The following LYPD6 variants were observed in gnomAD, a reference collection of about 807,000 sequenced individuals.
LYPD6 encodes the protein LY6/PLAUR domain containing 6.
LYPD6 carries 15 observed loss-of-function variants against 22.7 expected under a neutral mutation model. The ratio of observed to expected loss-of-function variants is 0.66; its 90% CI spans 0.44 to 1.02. The LOEUF (loss-of-function observed/expected upper bound fraction) is 1.02. Among genes scored for constraint, LYPD6 ranks in the 50% least tolerant of loss-of-function variants. The pLI is 0.00. For synonymous variants in LYPD6, 72 were observed against 77.5 expected (o/e 0.93, Z 0.37); for missense variants, 189 against 208.4 (o/e 0.91, Z 0.57).
chr2:149,427,888 GGAAT>G (rs1219583278), intron 1 of LYPD6, among the ~76,000 whole-genome samples: 1 of 152,198 alleles, frequency 6.6e-6, no homozygotes, highest in Non-Finnish European at 1.5e-5. Flanking sequence ...TTGCCCTTCA[GGAAT>G]TGAAGTATTT....
intron 1 of LYPD6, among the ~76,000 whole-genome samples, chr2:149,366,723 G>C (rs1681676394): frequency 6.6e-6 from 1 of 152,154 alleles, no homozygotes; most frequent in Admixed American, 6.5e-5. Context: ...GGCTCATAGA[G>C]TACCTATTTA....
chr2:149,402,985 G>GT (rs1217833900), intron 1 of LYPD6, among the ~76,000 whole-genome samples: 1 of 151,190 alleles, frequency 6.6e-6, no homozygotes, highest in Non-Finnish European at 1.5e-5. Flanking sequence ...GCAGTGTTTG[G>GT]TTTTTTGTCC....
downstream of LYPD6, among the ~76,000 whole-genome samples, chr2:149,476,303 A>G (rs1173963981): frequency 2.6e-5 from 4 of 152,202 alleles, no homozygotes; most frequent in African/African-American, 9.6e-5. Flanking sequence ...AGCCTAATGG[A>G]AACAGATTTT....
At chr2:149,482,784 A>G in the LYPD6 span, among the ~76,000 whole-genome samples, 4 of 152,260 alleles carry the variant, frequency 2.6e-5, no homozygotes, top group East Asian at 3.9e-4. Flanking sequence ...TTAGGACACA[A>G]AATGCTTCAG....
At chr2:149,422,742 A>C (rs1416629101) in intron 1 of LYPD6, among the ~76,000 whole-genome samples, 1 of 152,036 alleles carries the variant, frequency 6.6e-6, no homozygotes, top group Non-Finnish European at 1.5e-5. Flanking sequence ...CCCTTTGACC[A>C]ACGTCTCCCA....
At chr2:149,332,455 A>C (rs1032754816) in intron 1 of LYPD6, among the ~76,000 whole-genome samples, 1 of 150,450 alleles carries the variant, frequency 6.6e-6, no homozygotes, top group African/African-American at 2.5e-5. Context: ...TCAAGTAAAA[A>C]ACCATACCAT....
At chr2:149,379,781 A>G (rs72991483) in intron 1 of LYPD6, among the ~76,000 whole-genome samples, 3,407 of 152,340 alleles carry the variant, frequency 0.022, 99 homozygotes, top group African/African-American at 0.077. Context: ...TTTATCAAGC[A>G]TCACCTACTA....
intron 1 of LYPD6, among the ~76,000 whole-genome samples, chr2:149,423,807 G>C (rs1158634723): frequency 1.3e-5 from 2 of 151,810 alleles, no homozygotes; most frequent in East Asian, 3.9e-4. Context: ...ATAAGTGTGG[G>C]GAAAATGCTG....
At chr2:149,429,574 A>C (rs1683267508) in intron 1 of LYPD6, among the ~76,000 whole-genome samples, 1 of 152,242 alleles carries the variant, frequency 6.6e-6, no homozygotes. Flanking sequence ...TTAGCTCTTT[A>C]GCTCCACTTC....
chr2:149,394,196 A>G lies in LYPD6; in HGVS notation c.-71-43442A>G, dbSNP rs74538412. Among the ~76,000 whole-genome samples, 5 of 152,304 alleles carry G rather than the reference A, an allele frequency of 3.3e-5. No individual in the cohort carries two copies. In the East Asian group the frequency reaches 9.6e-4, roughly 29 times the overall value. ...GTTGCTGCACAGTCCTGTGGAGAAA[A>G]TCAGTCAGTATTCTTGTTTTCCTCT... On this transcript the variant is annotated intron_variant, in intron 1 of 4. Coordinates refer to ENST00000334166, the MANE Select transcript of LYPD6 (RefSeq NM_194317.5).
chr2:149,448,219 G>C (rs1184741671), intron 2 of LYPD6, among the ~76,000 whole-genome samples: 1 of 152,112 alleles, frequency 6.6e-6, no homozygotes, highest in African/African-American at 2.4e-5. Context: ...CTTGAACCCA[G>C]GAGATGGAGG....
At chr2:149,362,374 G>A (rs551773234) in intron 1 of LYPD6, among the ~76,000 whole-genome samples, 64 of 152,166 alleles carry the variant, frequency 4.2e-4, no homozygotes, top group African/African-American at 1.4e-3. Flanking sequence ...CACAGAAATG[G>A]GTAAACCTGA....
At chr2:149,355,632 A>G (rs1053851970) in intron 1 of LYPD6, among the ~76,000 whole-genome samples, 2 of 152,166 alleles carry the variant, frequency 1.3e-5, no homozygotes, top group Non-Finnish European at 2.9e-5. Context: ...CAAGGAACCT[A>G]GTGGTCAGCA....
chr2:149,369,450 C>T (rs1681756797), intron 1 of LYPD6, among the ~76,000 whole-genome samples: 1 of 152,172 alleles, frequency 6.6e-6, no homozygotes, highest in African/African-American at 2.4e-5. Context: ...ATAATGAGAT[C>T]TCCCATCCAA....
At position 149,470,668 on chromosome 2, in the gene LYPD6, C is replaced by T. The variant is rs1324534299; in HGVS notation, c.349-15C>T. The T allele has an allele frequency of 1.2e-6, 2 of 1,600,610 alleles. No homozygotes were observed. The highest frequency in any genetic ancestry group is 1.7e-5 in the Admixed American group (1 of 58,738). On this transcript the variant is annotated splice_polypyrimidine_tract_variant and intron_variant, in intron 4 of 4. Transcript: ENST00000334166. ...TGCTGGCTTCTCATTATCTTTTTTT[C>T]TTCCTTTCTTTCAGGTCTGCACTTC...
At chr2:149,336,522 A>G (rs1037125467) in intron 1 of LYPD6, among the ~76,000 whole-genome samples, 4 of 152,310 alleles carry the variant, frequency 2.6e-5, no homozygotes, top group Non-Finnish European at 4.4e-5. Flanking sequence ...TGTTAGAAAA[A>G]GTGTAGGTTA....
At chr2:149,443,568 T>C (rs1274398965) in intron 2 of LYPD6, among the ~76,000 whole-genome samples, 1 of 152,216 alleles carries the variant, frequency 6.6e-6, no homozygotes, top group Non-Finnish European at 1.5e-5. Context: ...GTCCAATCTT[T>C]GAAAGTTGTT....
intron 3 of LYPD6, among the ~76,000 whole-genome samples, chr2:149,453,214 T>A (rs1424856135): frequency 6.6e-6 from 1 of 152,190 alleles, no homozygotes; most frequent in Non-Finnish European, 1.5e-5. Flanking sequence ...TAGGAGCCAA[T>A]TGAAGGAACT....
chr2:149,444,673 A>G (rs1683643149), intron 2 of LYPD6, among the ~76,000 whole-genome samples: 2 of 151,858 alleles, frequency 1.3e-5, no homozygotes, highest in African/African-American at 2.4e-5. Context: ...TTGCTCGTTC[A>G]TAAGAAGCCA....
Sources: gnomAD v4.1 joint callset for allele counts (sites outside exome capture counted in the v4.1 genomes callset) on GRCh38, gnomAD v4.1.1 for gene constraint, MANE v1.5 for transcripts, NCBI Gene and HGNC (gene_info 2026-07-23, HGNC 2026-07-21) for gene names.